Variants in VAC14 observed in about 807,000 individuals in gnomAD.
VAC14 encodes the protein VAC14 component of PIKFYVE complex.
A neutral mutation model predicts 85.3 loss-of-function variants in VAC14; 47 were observed. The ratio of observed to expected loss-of-function variants is 0.55; its 90% CI spans 0.44 to 0.70. The LOEUF (loss-of-function observed/expected upper bound fraction) is 0.70. Among genes scored for constraint, VAC14 ranks in the 30% least tolerant of loss-of-function variants. The pLI, the probability that VAC14 is intolerant of heterozygous loss-of-function variation, is 0.00. For missense variants in VAC14, 861 were observed against 1,004.3 expected, an observed-to-expected ratio of 0.86 and a Z score of 1.93; for synonymous variants, 447 against 430.5, an observed-to-expected ratio of 1.04 and a Z score of -0.47.
chr16:70,732,531 C>T (rs985984765), intron 13 of VAC14, among the ~76,000 whole-genome samples: 12 of 152,128 alleles, frequency 7.9e-5, no homozygotes, highest in Non-Finnish European at 1.3e-4. Context: ...TCTGTATGCC[C>T]GTTGGTATCT....
intron 1 of VAC14, among the ~76,000 whole-genome samples, chr16:70,793,459 G>A (rs983412754): frequency 2.0e-5 from 3 of 152,186 alleles, no homozygotes; most frequent in Admixed American, 6.5e-5. Context: ...TGTAGATGAT[G>A]GATCTAAAAA....
chr16:70,701,759 G>C (rs1198425510), intron 14 of VAC14, among the ~76,000 whole-genome samples: 1 of 152,190 alleles, frequency 6.6e-6, no homozygotes, highest in African/African-American at 2.4e-5. Flanking sequence ...TCGGCCTATA[G>C]GGTCTCACAC....
intron 12 of VAC14, among the ~76,000 whole-genome samples, chr16:70,746,418 C>T (rs187656569): frequency 2.0e-5 from 3 of 152,336 alleles, no homozygotes; most frequent in Admixed American, 6.5e-5. Flanking sequence ...TCTGTGCCAG[C>T]GGCTGCGTTG....
At chr16:70,731,970 T>C (rs1597900768) in intron 13 of VAC14, among the ~76,000 whole-genome samples, 1 of 152,310 alleles carries the variant, frequency 6.6e-6, no homozygotes, top group African/African-American at 2.4e-5. Context: ...CCATGATTTT[T>C]TTAAAAAAAC....
chr16:70,766,682 T>C (rs2032842134), intron 10 of VAC14: 2 of 337,572 alleles, frequency 5.9e-6, no homozygotes, highest in African/African-American at 2.2e-5. Context: ...TCCCTGGGCT[T>C]TTCTTCCCTT....
rs766688262 is a variant in VAC14 at position 70,781,922 on chromosome 16, G to A, written c.893C>T (p.Ser298Phe). ...GGGCAAGACAGCAGTCAGGATCCCG[G>A]AGGAGTAAGGCAGCATGACGCGGCC... ...LAGRVMLPYS[S>F]GILTAVLPCL... The change falls in exon 8 of 19, where the codon TCC becomes TTC. Residue 298 changes from serine (S) to phenylalanine (F), a missense_variant. Coordinates refer to ENST00000261776, the MANE Select transcript of VAC14 (RefSeq NM_018052.5). 3 of 1,614,156 alleles carry A rather than the reference G, an allele frequency of 1.9e-6. No individual in the cohort carries two copies. The highest frequency in any genetic ancestry group is 2.2e-5 in the South Asian group (2 of 91,088).
chr16:70,780,853 C>A lies in VAC14; in HGVS notation c.1033G>T (p.Gly345Trp), dbSNP rs1311020525. The change falls in exon 9 of 19, where the codon GGG (glycine) becomes TGG (tryptophan). Residue 345 changes from glycine to tryptophan, a missense_variant. Coordinates refer to ENST00000261776, the MANE Select transcript of VAC14 (RefSeq NM_018052.5). ...EDDELDELRP[G>W]QRQAEPTPDD... Reference sequence around the variant, plus strand: ...GGGGTGGGCTCTGCCTGCCTCTGCCCAGGTCTCAGCTCATCCAGCTCGTCG... The same window carrying A: ...GGGGTGGGCTCTGCCTGCCTCTGCCAAGGTCTCAGCTCATCCAGCTCGTCG... The A allele has an allele frequency of 6.2e-7, 1 of 1,613,970 alleles. No individual in the cohort carries two copies.
chr16:70,688,770 C>T (rs1005542322), intron 18 of VAC14: 22 of 985,446 alleles, frequency 2.2e-5, no homozygotes, highest in African/African-American at 3.5e-5. Flanking sequence ...TGGTGCAATG[C>T]GGTAGCCTTG....
rs548726558 is a variant in VAC14 at position 70,706,397 on chromosome 16, G to C, written c.1662-7586C>G. On this transcript the variant is annotated intron_variant, in intron 14 of 18. Coordinates refer to ENST00000261776, the MANE Select transcript of VAC14 (RefSeq NM_018052.5). ...GCAACAGGCTTCAGGTGCCTGCTGAGGGCAGGGCATCCTGGCTCAGAGGCC... is the reference window on the plus strand; with the variant it reads ...GCAACAGGCTTCAGGTGCCTGCTGACGGCAGGGCATCCTGGCTCAGAGGCC... Among the ~76,000 whole-genome samples the C allele has an allele frequency of 1.1e-4, 17 of 152,364 alleles. No homozygotes were observed. In the South Asian group the frequency reaches 2.9e-3, roughly 26 times the overall value.
intron 14 of VAC14, 48 bp from the exon 15 acceptor site, chr16:70,698,859 C>T (rs1462372745): frequency 6.3e-7 from 1 of 1,596,980 alleles, no homozygotes; most frequent in Non-Finnish European, 8.5e-7. Flanking sequence ...ACCTGGAAGG[C>T]TCTGTGTCTC....
At chr16:70,788,994 G>T (rs1300598927) in intron 1 of VAC14, among the ~76,000 whole-genome samples, 2 of 152,252 alleles carry the variant, frequency 1.3e-5, no homozygotes, top group Non-Finnish European at 2.9e-5. Flanking sequence ...ACCTTAAGGG[G>T]ACTCCTGTTG....
chr16:70,726,775 C>T (rs535046118), intron 14 of VAC14, among the ~76,000 whole-genome samples: 1 of 152,312 alleles, frequency 6.6e-6, no homozygotes, highest in Admixed American at 6.5e-5. Flanking sequence ...AGGAAAGGGC[C>T]TGGAGCCAGA....
chr16:70,697,057 C>T (rs547400228), intron 16 of VAC14, 82 bp downstream of exon 16: 78 of 1,198,002 alleles, frequency 6.5e-5, no homozygotes, highest in Middle Eastern at 1.9e-4. Context: ...CACTTGGGCC[C>T]GCCTGTTGGG....
At chr16:70,758,915 G>A (rs1054839729) in intron 12 of VAC14, among the ~76,000 whole-genome samples, 1 of 152,222 alleles carries the variant, frequency 6.6e-6, no homozygotes, top group South Asian at 2.1e-4. Context: ...AGGAGCAGGT[G>A]GTGCTGAGGA....
intron 16 of VAC14, chr16:70,696,837 G>A: frequency 2.9e-6 from 1 of 348,016 alleles, no homozygotes; most frequent in Non-Finnish European, 5.6e-6. Flanking sequence ...CAGCAAGATG[G>A]TCCAGCATCA....
intron 1 of VAC14, among the ~76,000 whole-genome samples, chr16:70,789,064 A>T (rs748991066): frequency 5.3e-5 from 8 of 152,258 alleles, no homozygotes; most frequent in Non-Finnish European, 8.8e-5. Flanking sequence ...TGAGAACAGT[A>T]ACACAGTTTA....
intron 10 of VAC14, among the ~76,000 whole-genome samples, chr16:70,765,048 T>C (rs2032699284): frequency 6.6e-6 from 1 of 152,162 alleles, no homozygotes; most frequent in Admixed American, 6.5e-5. Context: ...GATGCCGCCC[T>C]ACAGCCCAAG....
intron 10 of VAC14, among the ~76,000 whole-genome samples, chr16:70,765,441 T>C: frequency 6.6e-6 from 1 of 152,106 alleles, no homozygotes; most frequent in Non-Finnish European, 1.5e-5. Context: ...ATGATGGCTG[T>C]GAAAAGTGAA....
intron 12 of VAC14, chr16:70,761,162 G>A (rs749701971): frequency 7.5e-5 from 34 of 455,640 alleles, no homozygotes; most frequent in South Asian, 3.6e-4. Flanking sequence ...GCCCAGGTTC[G>A]GGAAAGCAAA....
Sources: gnomAD v4.1 joint callset for allele counts (sites outside exome capture counted in the v4.1 genomes callset) on GRCh38, gnomAD v4.1.1 for gene constraint, MANE v1.5 for transcripts, NCBI Gene and HGNC (gene_info 2026-07-23, HGNC 2026-07-21) for gene names.